Variants in COL5A2 observed in about 807,000 individuals in gnomAD.
COL5A2 encodes collagen alpha-2(V) chain.
A neutral mutation model predicts 208.2 loss-of-function variants in COL5A2; 23 were observed. The observed-to-expected ratio is 0.11, with a 90% CI of 0.08 to 0.16. The LOEUF (loss-of-function observed/expected upper bound fraction) is 0.16. Among genes scored for constraint, COL5A2 ranks in the 10% least tolerant of loss-of-function variants. The pLI is 1.00. For missense variants in COL5A2, 1,590 were observed against 1,956.4 expected (o/e 0.81, Z 3.53); for synonymous variants, 625 against 628.5 (o/e 0.99, Z 0.08).
the COL5A2 span, among the ~76,000 whole-genome samples, chr2:189,409,645 T>C: frequency 6.6e-6 from 1 of 152,164 alleles, no homozygotes; most frequent in Non-Finnish European, 1.5e-5. Flanking sequence ...TTCACTTAAT[T>C]CTAAAAATGG....
chr2:189,272,515 G>T, the COL5A2 span, among the ~76,000 whole-genome samples: 1 of 152,082 alleles, frequency 6.6e-6, no homozygotes, highest in African/African-American at 2.4e-5. Context: ...CTGTCGAGGG[G>T]TGGAGGGCTA....
the COL5A2 span, among the ~76,000 whole-genome samples, chr2:189,299,334 TATCATTTATTAAG>T: frequency 1.3e-5 from 2 of 152,214 alleles, no homozygotes; most frequent in Non-Finnish European, 2.9e-5. Context: ...GCGTTAACGC[TATCATTTATTAAG>T]ATCATCTTTT....
chr2:189,059,449 C>T (rs1166831170), intron 31 of COL5A2, among the ~76,000 whole-genome samples: 3 of 151,796 alleles, frequency 2.0e-5, no homozygotes, highest in Admixed American at 2.0e-4. Flanking sequence ...TTTGAAATTT[C>T]TTTCTTTGAT....
chr2:189,244,289 C>T, the COL5A2 span, among the ~76,000 whole-genome samples: 1 of 152,160 alleles, frequency 6.6e-6, no homozygotes, highest in Non-Finnish European at 1.5e-5. Flanking sequence ...TGCTCTGTTT[C>T]CCTTTTAAAA....
At chr2:189,261,221 A>G in the COL5A2 span, among the ~76,000 whole-genome samples, 3 of 152,164 alleles carry the variant, frequency 2.0e-5, no homozygotes, top group African/African-American at 7.2e-5. Context: ...AAGAACAATT[A>G]ATACTGAAAC....
chr2:189,218,109 A>C (rs911987272), intron 1 of COL5A2, among the ~76,000 whole-genome samples: 1 of 152,172 alleles, frequency 6.6e-6, no homozygotes, highest in African/African-American at 2.4e-5. Context: ...ACGTTATGCT[A>C]ACAGATACAC....
chr2:189,051,579 C>A, intron 41 of COL5A2, 98 bp from the exon 42 acceptor site: 4 of 1,093,988 alleles, frequency 3.7e-6, no homozygotes, highest in Non-Finnish European at 3.8e-6. Flanking sequence ...GATGTCCAAG[C>A]CTCGCAGGTT....
intron 1 of COL5A2, among the ~76,000 whole-genome samples, chr2:189,189,981 A>T (rs980738810): frequency 1.3e-5 from 2 of 152,208 alleles, no homozygotes; most frequent in African/African-American, 4.8e-5. Flanking sequence ...TGCAAAAAAA[A>T]GTTGGTGAAA....
At chr2:189,399,046 G>A in the COL5A2 span, among the ~76,000 whole-genome samples, 1 of 152,044 alleles carries the variant, frequency 6.6e-6, no homozygotes, top group Non-Finnish European at 1.5e-5. Flanking sequence ...GCAGCATATA[G>A]TTAGCATTGG....
the COL5A2 span, among the ~76,000 whole-genome samples, chr2:189,318,237 T>C: frequency 2.0e-5 from 3 of 152,190 alleles, no homozygotes; most frequent in Admixed American, 6.5e-5. Context: ...AGAGTTGGCA[T>C]GTACTGACTT....
At chr2:189,250,109 A>C in the COL5A2 span, among the ~76,000 whole-genome samples, 1 of 152,246 alleles carries the variant, frequency 6.6e-6, no homozygotes, top group Non-Finnish European at 1.5e-5. Context: ...AATATTTACA[A>C]TATGATAAGA....
At chr2:189,056,897 G>A in intron 35 of COL5A2, 76 bp downstream of exon 35, 1 of 1,380,162 alleles carries the variant, frequency 7.2e-7, no homozygotes, top group East Asian at 2.3e-5. Context: ...ACTTTATTTT[G>A]GAAGGTTCAG....
chr2:189,064,782 G>A (rs549185552), intron 24 of COL5A2, 127 bp from the exon 25 acceptor site: 29 of 848,370 alleles, frequency 3.4e-5, no homozygotes, highest in Admixed American at 1.6e-4. Flanking sequence ...CTGATATAAC[G>A]TATAAAATTT....
the COL5A2 span, among the ~76,000 whole-genome samples, chr2:189,287,519 C>T: frequency 6.6e-6 from 1 of 152,094 alleles, no homozygotes; most frequent in Non-Finnish European, 1.5e-5. Context: ...ACTATAATCC[C>T]AGTCATCTCA....
Position 189,138,882 on chromosome 2 carries a change from C to G in COL5A2, c.98-28433G>C, listed in dbSNP as rs1002589018. Among the ~76,000 whole-genome samples, 3 of 152,062 alleles carry G rather than the reference C, an allele frequency of 2.0e-5. No individual in the cohort carries two copies. The East Asian group carries it at 5.8e-4, about 29-fold the overall frequency. On this transcript the variant is annotated intron_variant, in intron 1 of 53. Transcript: ENST00000374866. Reference sequence around the variant, plus strand: ...AAAATAAATATCTATGAGTCCATACCGATGTAAATACATACAAAATATAAA... The same window carrying G: ...AAAATAAATATCTATGAGTCCATACGGATGTAAATACATACAAAATATAAA...
the COL5A2 span, among the ~76,000 whole-genome samples, chr2:189,321,195 C>G: frequency 9.2e-4 from 140 of 152,252 alleles, no homozygotes; most frequent in African/African-American, 3.3e-3. Context: ...ACAACCAGTA[C>G]CAGCCACTGC....
chr2:189,266,891 T>C, the COL5A2 span, among the ~76,000 whole-genome samples: 4 of 151,998 alleles, frequency 2.6e-5, no homozygotes, highest in Non-Finnish European at 4.4e-5. Context: ...ATTCTACTCC[T>C]AGGTACATAT....
the COL5A2 span, among the ~76,000 whole-genome samples, chr2:189,240,184 G>C: frequency 6.6e-6 from 1 of 152,140 alleles, no homozygotes; most frequent in Non-Finnish European, 1.5e-5. Flanking sequence ...ATTGGGTCAG[G>C]CTGCTATAAC....
At chr2:189,211,735 G>A (rs1334936010) in intron 1 of COL5A2, among the ~76,000 whole-genome samples, 1 of 152,156 alleles carries the variant, frequency 6.6e-6, no homozygotes, top group African/African-American at 2.4e-5. Flanking sequence ...TACTCAGGGG[G>A]GAGGGAGCCT....
Sources: gnomAD v4.1 joint callset for allele counts (sites outside exome capture counted in the v4.1 genomes callset) on GRCh38, gnomAD v4.1.1 for gene constraint, MANE v1.5 for transcripts, NCBI Gene and HGNC (gene_info 2026-07-23, HGNC 2026-07-21) for gene names.